WDR44: variants seen among roughly 807,000 people sequenced by gnomAD.
WDR44 encodes the protein WD repeat domain 44, also known as WD repeat-containing protein 44.
A neutral mutation model predicts 65.7 loss-of-function variants in WDR44; 9 were observed. The observed-to-expected ratio is 0.14, with a 90% confidence interval of 0.08 to 0.24. WDR44 has a LOEUF of 0.24. Among genes scored for constraint, WDR44 ranks in the 10% least tolerant of loss-of-function variants. The pLI is 1.00. For missense variants in WDR44, 425 were observed against 670.9 expected (o/e 0.63, Z 4.05); for synonymous variants, 220 against 235.2 (o/e 0.94, Z 0.59).
chrX:118,436,313 G>T (rs2057254208), intron 13 of WDR44, among the ~76,000 whole-genome samples: 1 of 112,041 alleles, frequency 8.9e-6, no homozygotes, highest in Non-Finnish European at 1.9e-5. Context: ...ATTCACCAGT[G>T]TTATCAATGT....
chrX:118,367,082 T>C (rs1254718707), intron 1 of WDR44, among the ~76,000 whole-genome samples: 1 of 104,876 alleles, frequency 9.5e-6, no homozygotes, highest in African/African-American at 3.6e-5. Context: ...CAAGACTCCG[T>C]CTCAAAAAAA....
intron 10 of WDR44, among the ~76,000 whole-genome samples, chrX:118,408,265 G>C (rs1048858796): frequency 1.8e-5 from 2 of 111,136 alleles, no homozygotes; most frequent in Non-Finnish European, 3.8e-5. Flanking sequence ...CTTTCTCCCT[G>C]CTCCTCCACC....
intron 8 of WDR44, among the ~76,000 whole-genome samples, chrX:118,399,752 GAC>G (rs1266059800): frequency 1.8e-5 from 2 of 111,351 alleles, no homozygotes; most frequent in Non-Finnish European, 3.8e-5. Context: ...CATGTAAGTT[GAC>G]ACATAAGAAT....
chrX:118,411,399 G>A (rs1291569494), intron 12 of WDR44, among the ~76,000 whole-genome samples: 1 of 111,829 alleles, frequency 8.9e-6, no homozygotes, highest in Non-Finnish European at 1.9e-5. Flanking sequence ...TTTTAGAGCT[G>A]GAAGGTTAAA....
intron 1 of WDR44, 27 bp from the exon 2 acceptor site, chrX:118,378,392 C>T (rs781294742): frequency 1.6e-5 from 19 of 1,191,686 alleles, no homozygotes; most frequent in African/African-American, 7.0e-5. Flanking sequence ...CTCTATTCAA[C>T]ACCTCCTTAC....
intron 4 of WDR44, 140 bp downstream of exon 4, chrX:118,393,411 C>A: frequency 3.2e-6 from 2 of 628,307 alleles, no homozygotes; most frequent in South Asian, 6.8e-5. Flanking sequence ...AAAACCCCAT[C>A]TGAGCAACAA....
At chrX:118,351,722 G>A (rs1360945031) in intron 1 of WDR44, among the ~76,000 whole-genome samples, 1 of 111,274 alleles carries the variant, frequency 9.0e-6, no homozygotes, top group Non-Finnish European at 1.9e-5. Context: ...GGCTGAGGCG[G>A]GTGGATCACC....
rs889099236 is a variant in WDR44, at chrX:118,449,054, G to C, written c.*67G>C. The C allele has an allele frequency of 7.3e-6, 5 of 686,897 alleles. No homozygotes were observed. Among genetic ancestry groups the C allele is most frequent in the Non-Finnish European group, 1.1e-5 (5 of 470,501 alleles). 56.6% of individuals were successfully genotyped at this position (686,897 alleles called of 1,213,427 possible). A position where few individuals can be genotyped will look rare whatever the true frequency, so the allele number is the denominator to read the frequency against. On this transcript the variant is annotated 3_prime_UTR_variant, in exon 20 of 20. Coordinates refer to ENST00000254029, the MANE Select transcript of WDR44 (RefSeq NM_019045.5). ...TATGTATCAAAACTGAAAAAATAGTGTTCCAGGCTAACATACTTTTTTAAT... is the reference window on the plus strand; with the variant it reads ...TATGTATCAAAACTGAAAAAATAGTCTTCCAGGCTAACATACTTTTTTAAT...
intron 1 of WDR44, among the ~76,000 whole-genome samples, chrX:118,351,989 G>A (rs923878825): frequency 1.0e-4 from 11 of 109,266 alleles, no homozygotes; most frequent in African/African-American, 3.3e-4. Context: ...CTGACTGTCA[G>A]TTGGTAACTC....
At chrX:118,348,137 A>T (rs2056369843) in intron 1 of WDR44, among the ~76,000 whole-genome samples, 1 of 111,931 alleles carries the variant, frequency 8.9e-6, no homozygotes. Context: ...TCCACTGAAT[A>T]AGTTTAATTT....
At chrX:118,372,031 GAA>G (rs200599145) in intron 1 of WDR44, among the ~76,000 whole-genome samples, 2 of 101,477 alleles carry the variant, frequency 2.0e-5, no homozygotes. Flanking sequence ...TATCACTGGA[GAA>G]AAAAATATTT....
intron 2 of WDR44, among the ~76,000 whole-genome samples, chrX:118,386,237 G>GT (rs759101682): frequency 1.3e-4 from 14 of 110,564 alleles, no homozygotes; most frequent in South Asian, 3.8e-4. Flanking sequence ...AAGAATTATG[G>GT]TTTTTTTTCC....
intron 8 of WDR44, among the ~76,000 whole-genome samples, chrX:118,402,435 CAA>C (rs758497932): frequency 2.1e-4 from 3 of 14,424 alleles, no homozygotes; most frequent in Non-Finnish European, 2.1e-4. Context: ...AACTCTGTCT[CAA>C]AAAAAAAAAA....
chrX:118,381,848 C>A (rs1469620334), intron 2 of WDR44, among the ~76,000 whole-genome samples: 1 of 108,998 alleles, frequency 9.2e-6, no homozygotes, highest in Non-Finnish European at 1.9e-5. Flanking sequence ...GGATTATAGG[C>A]ATGAGCCACT....
At chrX:118,409,087 G>A (rs1234021267) in intron 10 of WDR44, among the ~76,000 whole-genome samples, 1 of 111,642 alleles carries the variant, frequency 9.0e-6, no homozygotes. Context: ...GTAATTTGGC[G>A]TAATTTTAAA....
chrX:118,378,026 G>A (rs1341069580), intron 1 of WDR44, among the ~76,000 whole-genome samples: 1 of 109,898 alleles, frequency 9.1e-6, no homozygotes, highest in Non-Finnish European at 1.9e-5. Context: ...GCATGATCTC[G>A]GCTCACTGAA....
intron 11 of WDR44, 22 bp downstream of exon 11, chrX:118,409,649 A>T (rs749028353): frequency 1.7e-6 from 2 of 1,158,591 alleles, no homozygotes; most frequent in African/African-American, 3.7e-5. Flanking sequence ...CTATTTAAAA[A>T]TCTACAGAAA....
At chrX:118,445,907 G>A (rs2057341743) in intron 19 of WDR44, among the ~76,000 whole-genome samples, 1 of 110,013 alleles carries the variant, frequency 9.1e-6, no homozygotes, top group Non-Finnish European at 1.9e-5. Context: ...GTGCACGCCT[G>A]CAGTCCCAGC....
chrX:118,422,232 TAA>T (rs60887150), intron 12 of WDR44, among the ~76,000 whole-genome samples: 10 of 102,577 alleles, frequency 9.7e-5, no homozygotes, highest in East Asian at 3.1e-4. Flanking sequence ...TGTCTCTATT[TAA>T]AAAAAAAAAA....
Sources: gnomAD v4.1 joint callset for allele counts (sites outside exome capture counted in the v4.1 genomes callset) on GRCh38, gnomAD v4.1.1 for gene constraint, MANE v1.5 for transcripts, NCBI Gene and HGNC (gene_info 2026-07-23, HGNC 2026-07-21) for gene names.